Variants in DACH2 observed in about 807,000 individuals in gnomAD.
DACH2 encodes dachshund family transcription factor 2.
A neutral mutation model predicts 35.8 loss-of-function variants in DACH2; 17 were observed. That is an observed-to-expected ratio of 0.48 (90% CI 0.33 to 0.71). The LOEUF (loss-of-function observed/expected upper bound fraction) is 0.71. DACH2 is among the 30% of genes least tolerant of loss of function. The pLI is 0.02. For missense variants in DACH2, 469 were observed against 472.7 expected, an observed-to-expected ratio of 0.99 and a Z score of 0.07; for synonymous variants, 195 against 177.3, an observed-to-expected ratio of 1.10 and a Z score of -0.79.
At chrX:86,537,040 G>C (rs996602235) in intron 3 of DACH2, among the ~76,000 whole-genome samples, 9 of 111,453 alleles carry the variant, frequency 8.1e-5, no homozygotes, top group Non-Finnish European at 1.7e-4. Context: ...GTCTTTGCCT[G>C]AGTTCCCAAG....
intron 1 of DACH2, among the ~76,000 whole-genome samples, chrX:86,234,708 G>A (rs2033020260): frequency 9.3e-6 from 1 of 107,815 alleles, no homozygotes; most frequent in South Asian, 4.2e-4. Flanking sequence ...CTTCCTTCCC[G>A]ACTCCAGTGA....
At chrX:86,787,719 T>A (rs1315912355) in intron 7 of DACH2, among the ~76,000 whole-genome samples, 1 of 110,957 alleles carries the variant, frequency 9.0e-6, no homozygotes, top group African/African-American at 3.3e-5. Flanking sequence ...TAAATAGGGT[T>A]TTTTACTCCA....
intron 2 of DACH2, among the ~76,000 whole-genome samples, chrX:86,489,745 G>A (rs2038068963): frequency 9.0e-6 from 1 of 111,546 alleles, no homozygotes; most frequent in Non-Finnish European, 1.9e-5. Context: ...TTTTTTTAAA[G>A]TAATATATCC....
At chrX:86,164,328 G>T (rs5923490) in intron 1 of DACH2, among the ~76,000 whole-genome samples, 26,080 of 109,305 alleles carry the variant, frequency 0.24, 2,853 homozygotes, top group Non-Finnish European at 0.34. Context: ...ATAGATATTT[G>T]ATATTACCTT....
At chrX:86,443,418 A>C (rs1470656613) in intron 2 of DACH2, among the ~76,000 whole-genome samples, 1 of 111,357 alleles carries the variant, frequency 9.0e-6, no homozygotes, top group Non-Finnish European at 1.9e-5. Context: ...ATAGTTTTTC[A>C]CTGGAGTCAC....
intron 1 of DACH2, among the ~76,000 whole-genome samples, chrX:86,186,370 G>A (rs3914112): frequency 0.41 from 45,938 of 111,170 alleles, 7,869 homozygotes; most frequent in Non-Finnish European, 0.55. Context: ...AATAGTGATT[G>A]TCATATTGTA....
At chrX:86,402,075 A>G (rs1446308218) in intron 2 of DACH2, among the ~76,000 whole-genome samples, 4 of 112,208 alleles carry the variant, frequency 3.6e-5, no homozygotes, top group Non-Finnish European at 7.5e-5. Context: ...CACAGGCAGT[A>G]TCATACTGAA....
At chrX:86,413,147 T>C (rs1266719595) in intron 2 of DACH2, among the ~76,000 whole-genome samples, 1 of 111,927 alleles carries the variant, frequency 8.9e-6, no homozygotes, top group Non-Finnish European at 1.9e-5. Context: ...GGCATGCAAA[T>C]GTCTCACCAA....
intron 1 of DACH2, among the ~76,000 whole-genome samples, chrX:86,285,732 T>C (rs1020253167): frequency 8.9e-6 from 1 of 111,969 alleles, no homozygotes; most frequent in African/African-American, 3.2e-5. Flanking sequence ...TGATATTCTG[T>C]CTGAAAGATC....
intron 2 of DACH2, among the ~76,000 whole-genome samples, chrX:86,446,108 T>G (rs1158493388): frequency 1.8e-5 from 2 of 110,831 alleles, no homozygotes; most frequent in Non-Finnish European, 3.8e-5. Flanking sequence ...TGTAATTACT[T>G]TTTTGTCTCT....
intron 3 of DACH2, among the ~76,000 whole-genome samples, chrX:86,631,282 C>T (rs1377341981): frequency 8.9e-6 from 1 of 112,072 alleles, no homozygotes; most frequent in East Asian, 2.8e-4. Context: ...TAGGCATCTA[C>T]TGAAAATAAA....
chrX:86,758,213 T>A (rs1320552666), intron 7 of DACH2, among the ~76,000 whole-genome samples: 1 of 111,930 alleles, frequency 8.9e-6, no homozygotes, highest in Admixed American at 9.5e-5. Flanking sequence ...CAACTATGTG[T>A]TTTGTTGATT....
At chrX:86,604,181 C>A (rs1275851849) in intron 3 of DACH2, among the ~76,000 whole-genome samples, 1 of 110,902 alleles carries the variant, frequency 9.0e-6, no homozygotes, top group Non-Finnish European at 1.9e-5. Context: ...AATTTTGTAT[C>A]ATCACTGATG....
chrX:86,444,043 G>A (rs191378988), intron 2 of DACH2, among the ~76,000 whole-genome samples: 70 of 111,068 alleles, frequency 6.3e-4, no homozygotes, highest in Admixed American at 1.8e-3. Flanking sequence ...TCATCTTTAC[G>A]TTTTTGGAAT....
chrX:86,329,212 A>G (rs775373628), intron 1 of DACH2, among the ~76,000 whole-genome samples: 1 of 111,098 alleles, frequency 9.0e-6, no homozygotes, highest in Non-Finnish European at 1.9e-5. Context: ...ATTAGCACAA[A>G]CAGAGTATAC....
intron 3 of DACH2, among the ~76,000 whole-genome samples, chrX:86,603,282 G>A (rs2039814624): frequency 9.0e-6 from 1 of 110,953 alleles, no homozygotes; most frequent in African/African-American, 3.3e-5. Context: ...CCTCTATAAA[G>A]ATCCCATCTC....
chrX:86,761,367 C>CATGAACTCATTTTTTTAAGT (rs1338272821), intron 7 of DACH2, among the ~76,000 whole-genome samples: 1 of 111,853 alleles, frequency 8.9e-6, no homozygotes, highest in Non-Finnish European at 1.9e-5. Context: ...CTACAAAGGA[C>CATGAACTCATTTTTTTAAGT]ATGAACTCAT....
chrX:86,686,150 T>C (rs1222555515), intron 4 of DACH2, among the ~76,000 whole-genome samples: 2 of 112,409 alleles, frequency 1.8e-5, no homozygotes, highest in Non-Finnish European at 3.8e-5. Context: ...AAAAGTGTCT[T>C]GTCACACATA....
chrX:86,668,994 A>T (rs1262007588), intron 4 of DACH2, among the ~76,000 whole-genome samples: 1 of 111,785 alleles, frequency 8.9e-6, no homozygotes, highest in African/African-American at 3.2e-5. Context: ...AAAATTTTAT[A>T]TTCAAACAAA....
Sources: allele counts gnomAD v4.1 joint callset (sites outside exome capture counted in the v4.1 genomes callset), GRCh38; gene constraint gnomAD v4.1.1; transcripts MANE v1.5; gene names NCBI Gene and HGNC (gene_info 2026-07-23, HGNC 2026-07-21).